Variants in DCAF17 observed in about 807,000 individuals in gnomAD.
The protein encoded by DCAF17 is DDB1- and CUL4-associated factor 17.
A neutral mutation model predicts 66.0 loss-of-function variants in DCAF17; 48 were observed. That is an observed-to-expected ratio of 0.73 (90% CI 0.58 to 0.92). DCAF17 has a LOEUF of 0.92. Among genes scored for constraint, DCAF17 ranks in the 40% least tolerant of loss-of-function variants. The pLI is 0.00. For synonymous variants in DCAF17, 206 were observed against 214.6 expected, an observed-to-expected ratio of 0.96 and a Z score of 0.35; for missense variants, 562 against 622.8, an observed-to-expected ratio of 0.90 and a Z score of 1.04.
At chr2:171,480,825 A>T in intron 13 of DCAF17, 149 bp from the exon 14 acceptor site, 1 of 975,556 alleles carries the variant, frequency 1.0e-6, no homozygotes, top group Non-Finnish European at 1.6e-6. Flanking sequence ...GCATATCCAC[A>T]AATAATGAAA....
In DCAF17 at chr2:171,434,446, T is replaced by G; in HGVS notation, c.-132T>G. ...CGGGTGCTCCCTGCCCGCCTCCCCG[T>G]GTCAGCTTTCCCTGGGCCCCGCCGG... is the stretch of plus-strand genomic sequence containing the variant. On this transcript the variant is annotated 5_prime_UTR_variant, in exon 1 of 14. Transcript: ENST00000375255. 6.8e-7 allele frequency: 1 copy of G among 1,460,186 alleles called. No individual in the cohort carries two copies. Among genetic ancestry groups the G allele is most frequent in the Non-Finnish European group, 9.2e-7 (1 of 1,083,820 alleles). 90.5% of individuals were successfully genotyped at this position (1,460,186 alleles called of 1,614,324 possible). A position where few individuals can be genotyped will look rare whatever the true frequency, so the allele number is the denominator to read the frequency against.
At chr2:171,472,995 G>GT (rs766067561) in intron 9 of DCAF17, 4 of 198,480 alleles carry the variant, frequency 2.0e-5, no homozygotes, top group Non-Finnish European at 3.5e-5. Context: ...ATATCAGATG[G>GT]TTTTTTTCTT....
chr2:171,439,827 C>G (rs1464762264), intron 2 of DCAF17, among the ~76,000 whole-genome samples: 1 of 152,038 alleles, frequency 6.6e-6, no homozygotes, highest in East Asian at 1.9e-4. Context: ...ACTCCAGAGG[C>G]CAAGGCAGAA....
At chr2:171,451,334 A>G (rs1669365731) in intron 5 of DCAF17, among the ~76,000 whole-genome samples, 1 of 152,086 alleles carries the variant, frequency 6.6e-6, no homozygotes. Flanking sequence ...CTTTTATTGG[A>G]ATCTCCTTAC....
chr2:171,452,046 A>G (rs1471102084), intron 5 of DCAF17, among the ~76,000 whole-genome samples: 2 of 152,212 alleles, frequency 1.3e-5, no homozygotes, highest in Non-Finnish European at 2.9e-5. Flanking sequence ...TAAGGAACAC[A>G]GAAGGAGTCT....
At chr2:171,475,301 G>T (rs1696445685) in intron 10 of DCAF17, among the ~76,000 whole-genome samples, 1 of 152,086 alleles carries the variant, frequency 6.6e-6, no homozygotes, top group African/African-American at 2.4e-5. Flanking sequence ...GTCTTCCTTT[G>T]TAGCACTTAG....
intron 2 of DCAF17, among the ~76,000 whole-genome samples, chr2:171,441,746 A>G (rs539779986): frequency 1.5e-4 from 23 of 152,350 alleles, no homozygotes; most frequent in African/African-American, 5.5e-4. Context: ...CAGACTCACT[A>G]TTCTTACTGA....
At chr2:171,435,278 G>C in intron 2 of DCAF17, 92 bp downstream of exon 2, 1 of 968,046 alleles carries the variant, frequency 1.0e-6, no homozygotes, top group Non-Finnish European at 1.6e-6. Flanking sequence ...TTAGTGCCTA[G>C]TGAAATAGAA....
rs1224776301 is a variant in DCAF17, at chr2:171,481,438, G to A, written c.*324G>A. 1 of 470,414 alleles carries A rather than the reference G, an allele frequency of 2.1e-6. No homozygotes were observed. Among genetic ancestry groups the A allele is most frequent in the South Asian group, 1.5e-5 (1 of 64,604 alleles). 29.1% of individuals were successfully genotyped at this position (470,414 alleles called of 1,614,324 possible). Reference sequence around the variant, plus strand: ...TGTTGAGGAGTTAAGTCATTGATGGGGTGGGTCATTGATGAGTTCTTAAAG... The same window carrying A: ...TGTTGAGGAGTTAAGTCATTGATGGAGTGGGTCATTGATGAGTTCTTAAAG... On this transcript the variant is annotated 3_prime_UTR_variant, in exon 14 of 14. Coordinates refer to ENST00000375255, the MANE Select transcript of DCAF17 (RefSeq NM_025000.4).
chr2:171,474,245 T>C (rs900392864), intron 10 of DCAF17: 31 of 456,864 alleles, frequency 6.8e-5, no homozygotes, highest in African/African-American at 5.7e-4. Context: ...CATCAGGTCT[T>C]AGTTAATTCT....
intron 3 of DCAF17, among the ~76,000 whole-genome samples, chr2:171,445,636 AT>A (rs1306895264): frequency 2.0e-5 from 3 of 152,172 alleles, no homozygotes; most frequent in Admixed American, 6.5e-5. Context: ...GCTTCAAATT[AT>A]TTTGATAGGC....
At chr2:171,450,935 G>A (rs1303339059) in intron 5 of DCAF17, among the ~76,000 whole-genome samples, 3 of 151,942 alleles carry the variant, frequency 2.0e-5, no homozygotes, top group Non-Finnish European at 4.4e-5. Context: ...TCAAACTCAG[G>A]CAGTTTAGCT....
At chr2:171,443,912 T>C in intron 3 of DCAF17, among the ~76,000 whole-genome samples, 1 of 152,276 alleles carries the variant, frequency 6.6e-6, no homozygotes, top group African/African-American at 2.4e-5. Flanking sequence ...TATAATTATC[T>C]TAGTGTTTAA....
intron 2 of DCAF17, among the ~76,000 whole-genome samples, chr2:171,435,963 A>G (rs561149943): frequency 3.9e-5 from 6 of 152,214 alleles, no homozygotes; most frequent in Non-Finnish European, 5.9e-5. Context: ...AAACAGAACC[A>G]TGTACCTTTA....
intron 8 of DCAF17, among the ~76,000 whole-genome samples, chr2:171,464,287 C>G (rs1299336184): frequency 6.6e-6 from 1 of 152,190 alleles, no homozygotes; most frequent in African/African-American, 2.4e-5. Flanking sequence ...GTTCTGGAGT[C>G]TAGAAATTCA....
rs760665138 is a variant in DCAF17, at chr2:171,482,932, C to T, written c.*1818C>T. On this transcript the variant is annotated 3_prime_UTR_variant, in exon 14 of 14. Transcript: ENST00000375255. ...CCATCCAGGCCAGGCAGGAAATATACCTCATGTGAAAGACAGTAAGGAGTT... is the reference window on the plus strand; with the variant it reads ...CCATCCAGGCCAGGCAGGAAATATATCTCATGTGAAAGACAGTAAGGAGTT... 3.5e-5 allele frequency: 16 copies of T among 453,922 alleles called. No homozygotes were observed. The highest frequency in any genetic ancestry group is 6.6e-5 in the Non-Finnish European group (15 of 226,780). The allele number at this position is 453,922 out of a possible 1,614,324, so 28.1% of individuals were successfully genotyped here.
At chr2:171,476,751 C>T (rs1252252378) in intron 10 of DCAF17, 109 bp from the exon 11 acceptor site, 9 of 741,650 alleles carry the variant, frequency 1.2e-5, no homozygotes, top group Non-Finnish European at 2.2e-5. Flanking sequence ...AGAACTACCT[C>T]AGTGTTACTA....
At position 171,484,230 on chromosome 2, in the gene DCAF17, C is replaced by G. The variant is rs981202979; in HGVS notation, c.*3116C>G. 6.7e-6 allele frequency: 3 copies of G among 450,190 alleles called. No individual in the cohort carries two copies. Among genetic ancestry groups the G allele is most frequent in the Non-Finnish European group, 1.3e-5 (3 of 226,114 alleles). The allele number at this position is 450,190 out of a possible 1,614,324, so 27.9% of individuals were successfully genotyped here. A position where few individuals can be genotyped will look rare whatever the true frequency, so the allele number is the denominator to read the frequency against. ...TACCATGTTTACTTATATCATCCATCTTTTAGAATCCCAGGGAGCTAATTT... is the reference window on the plus strand; with the variant it reads ...TACCATGTTTACTTATATCATCCATGTTTTAGAATCCCAGGGAGCTAATTT... On this transcript the variant is annotated 3_prime_UTR_variant, in exon 14 of 14. Transcript: ENST00000375255.
intron 4 of DCAF17, among the ~76,000 whole-genome samples, 170 bp from the exon 5 acceptor site, chr2:171,449,709 A>G (rs140913375): frequency 2.0e-5 from 3 of 152,222 alleles, no homozygotes; most frequent in East Asian, 1.9e-4. Context: ...GGATATGTCC[A>G]TATGGGGATA....
Sources: gnomAD v4.1 joint callset for allele counts (sites outside exome capture counted in the v4.1 genomes callset) on GRCh38, gnomAD v4.1.1 for gene constraint, MANE v1.5 for transcripts, NCBI Gene and HGNC (gene_info 2026-07-23, HGNC 2026-07-21) for gene names.